QSOX1: variants seen among roughly 807,000 people sequenced by gnomAD.
QSOX1 encodes quiescin sulfhydryl oxidase 1.
QSOX1 carries 40 observed loss-of-function variants against 76.1 expected under a neutral mutation model. The observed-to-expected ratio is 0.53, with a 90% CI of 0.41 to 0.68. QSOX1 has a LOEUF of 0.68. QSOX1 is among the 30% of genes least tolerant of loss of function. The pLI is 0.00. For synonymous variants in QSOX1, 392 were observed against 413.1 expected (o/e 0.95, Z 0.62); for missense variants, 931 against 974.3 (o/e 0.96, Z 0.59).
chr1:180,156,309 A>G lies in QSOX1; in HGVS notation c.265+1137A>G, dbSNP rs562689758. ...TTTGTTCCTGACTTGCTGCCTCTGA[A>G]TGGAGTTACTTCCTGACTCTGGTGC... On this transcript the variant is annotated intron_variant, in intron 1 of 11. Transcript: ENST00000367602. Among the ~76,000 whole-genome samples the G allele has an allele frequency of 3.9e-5, 6 of 152,260 alleles. No individual in the cohort carries two copies. In the East Asian group the frequency reaches 9.7e-4, roughly 25 times the overall value.
At chr1:180,194,484 G>T (rs1007147352) in intron 11 of QSOX1, 92 bp downstream of exon 11, 11 of 1,264,052 alleles carry the variant, frequency 8.7e-6, no homozygotes, top group South Asian at 1.5e-5. Context: ...TTGGGGAAGG[G>T]ACACTCATTG....
intron 1 of QSOX1, among the ~76,000 whole-genome samples, chr1:180,159,629 G>A (rs960744750): frequency 2.6e-5 from 4 of 152,160 alleles, no homozygotes; most frequent in Admixed American, 6.5e-5. Context: ...TGGTTATTTC[G>A]GTCCCTTTTA....
At position 180,199,524 on chromosome 1, in the gene QSOX1, C is replaced by T. The variant is rs1663585872; in HGVS notation, c.*2487C>T. The T allele has an allele frequency of 6.6e-6, 1 of 152,020 alleles. No individual in the cohort carries two copies. Among genetic ancestry groups the T allele is most frequent in the African/African-American group, 2.4e-5 (1 of 41,370 alleles). The allele number at this position is 152,020 out of a possible 1,614,324, so 9.4% of individuals were successfully genotyped here. On this transcript the variant is annotated 3_prime_UTR_variant, in exon 12 of 12. Coordinates refer to ENST00000367602, the MANE Select transcript of QSOX1 (RefSeq NM_002826.5). Reference sequence around the variant, plus strand: ...GTGTTAGCAAGGAAATAAGGAGGAACGGGGGTTACGGGCAGAGGAGAAAGC... The same window carrying T: ...GTGTTAGCAAGGAAATAAGGAGGAATGGGGGTTACGGGCAGAGGAGAAAGC...
intron 8 of QSOX1, among the ~76,000 whole-genome samples, chr1:180,188,885 CAT>C (rs1558191791): frequency 6.6e-6 from 1 of 152,226 alleles, no homozygotes; most frequent in Non-Finnish European, 1.5e-5. Flanking sequence ...CACACACACA[CAT>C]ACACACATAT....
chr1:180,164,330 G>A (rs1255235721), intron 1 of QSOX1, among the ~76,000 whole-genome samples: 1 of 152,174 alleles, frequency 6.6e-6, no homozygotes, highest in Non-Finnish European at 1.5e-5. Context: ...TGGGGAAATG[G>A]CATCATAGGA....
At chr1:180,194,590 T>C (rs866112873) in intron 11 of QSOX1, among the ~76,000 whole-genome samples, 198 bp downstream of exon 11, 1 of 152,364 alleles carries the variant, frequency 6.6e-6, no homozygotes, top group East Asian at 1.9e-4. Context: ...TGTAAGACCC[T>C]GGTCTTCCCA....
chr1:180,164,104 C>T (rs1662556431), intron 1 of QSOX1, among the ~76,000 whole-genome samples: 1 of 152,130 alleles, frequency 6.6e-6, no homozygotes, highest in South Asian at 2.1e-4. Flanking sequence ...ATCAGCAATC[C>T]CCTGGTAGGG....
Position 180,176,813 on chromosome 1 carries a change from T to G in QSOX1, c.515+780T>G, listed in dbSNP as rs993054412. ...AGAGGGAGCCCAGCCTTGTACACAG[T>G]GGAGGCCCCAGGTGCTAAGAAGGCC... On this transcript the variant is annotated intron_variant, in intron 4 of 11. Transcript: ENST00000367602. Among the ~76,000 whole-genome samples the G allele has an allele frequency of 2.0e-5, 3 of 152,218 alleles. No homozygotes were observed. The South Asian group carries it at 6.2e-4, about 31-fold the overall frequency.
intron 2 of QSOX1, among the ~76,000 whole-genome samples, chr1:180,168,973 A>G (rs973347190): frequency 6.6e-6 from 1 of 152,230 alleles, no homozygotes; most frequent in Non-Finnish European, 1.5e-5. Context: ...TTTTGGTATG[A>G]TGGGGACAGG....
intron 10 of QSOX1, among the ~76,000 whole-genome samples, chr1:180,192,978 C>T (rs1254973952): frequency 6.6e-6 from 1 of 151,954 alleles, no homozygotes; most frequent in Non-Finnish European, 1.5e-5. Flanking sequence ...GAGGTGTAGT[C>T]ACTGGGGCCA....
rs570868904 is a variant in QSOX1, at chr1:180,198,589, T to C, written c.*1552T>C. On this transcript the variant is annotated 3_prime_UTR_variant, in exon 12 of 12. Coordinates refer to ENST00000367602, the MANE Select transcript of QSOX1 (RefSeq NM_002826.5). ...TGGGATGCCAAGGCCACTCCTGCTA[T>C]GGGGCAGCTGGGGCTGGGGAGGGAT... The C allele has an allele frequency of 3.0e-4, 108 of 356,020 alleles. No homozygotes were observed. Among genetic ancestry groups the C allele is most frequent in the Middle Eastern group, 6.9e-4 (1 of 1,458 alleles). 22.1% of individuals were successfully genotyped at this position (356,020 alleles called of 1,614,324 possible). A position where few individuals can be genotyped will look rare whatever the true frequency, so the allele number is the denominator to read the frequency against.
At chr1:180,182,120 C>T (rs1446453199) in intron 5 of QSOX1, 54 bp from the exon 6 acceptor site, 14 of 1,597,942 alleles carry the variant, frequency 8.8e-6, no homozygotes, top group Non-Finnish European at 1.1e-5. Flanking sequence ...GGGACCCAGC[C>T]CTGGCTCCCT....
intron 3 of QSOX1, among the ~76,000 whole-genome samples, 193 bp downstream of exon 3, chr1:180,175,559 A>T (rs1158446229): frequency 3.9e-5 from 6 of 152,208 alleles, no homozygotes; most frequent in Non-Finnish European, 5.9e-5. Flanking sequence ...CAGGATGAAG[A>T]AGCCCTTCAG....
chr1:180,162,761 CAAAA>C (rs1280293769), intron 1 of QSOX1, among the ~76,000 whole-genome samples: 1 of 151,694 alleles, frequency 6.6e-6, no homozygotes, highest in African/African-American at 2.4e-5. Flanking sequence ...AAAAGCAAAA[CAAAA>C]AAAATCACTT....
intron 1 of QSOX1, among the ~76,000 whole-genome samples, chr1:180,160,826 T>C (rs1662477588): frequency 6.6e-6 from 1 of 152,178 alleles, no homozygotes; most frequent in African/African-American, 2.4e-5. Flanking sequence ...TCCCTTGAAA[T>C]GTATATCAAG....
chr1:180,174,067 A>G (rs1338985135), intron 2 of QSOX1, among the ~76,000 whole-genome samples: 1 of 152,250 alleles, frequency 6.6e-6, no homozygotes, highest in Non-Finnish European at 1.5e-5. Context: ...GAAGGAAACC[A>G]GTGTTTGGCT....
chr1:180,182,171 C>G lies in QSOX1; in HGVS notation c.607-3C>G, dbSNP rs753526693. ...GCCCCCAGATGTTCTGCTGTCCCTG[C>G]AGGTGGCTCTGGACCTGTCCCAGCA... On this transcript the variant is annotated splice_region_variant and splice_polypyrimidine_tract_variant and intron_variant, in intron 5 of 11. Transcript: ENST00000367602. 6.2e-7 allele frequency: 1 copy of G among 1,613,962 alleles called. No individual in the cohort carries two copies. Among genetic ancestry groups the G allele is most frequent in the East Asian group, 2.2e-5 (1 of 44,866 alleles).
intron 1 of QSOX1, among the ~76,000 whole-genome samples, chr1:180,162,178 T>G (rs1370481943): frequency 6.6e-6 from 1 of 152,250 alleles, no homozygotes; most frequent in Non-Finnish European, 1.5e-5. Flanking sequence ...CATATAATTT[T>G]GGGGATACAC....
chr1:180,158,203 T>C (rs1296574594), intron 1 of QSOX1, among the ~76,000 whole-genome samples: 4 of 152,038 alleles, frequency 2.6e-5, no homozygotes, highest in Non-Finnish European at 5.9e-5. Context: ...CCTGGGCAGG[T>C]AGAGAGGTGG....
Sources: allele counts gnomAD v4.1 joint callset (sites outside exome capture counted in the v4.1 genomes callset), GRCh38; gene constraint gnomAD v4.1.1; transcripts MANE v1.5; gene names NCBI Gene and HGNC (gene_info 2026-07-23, HGNC 2026-07-21).